The following CCDC175 variants were observed in gnomAD, a reference collection of about 807,000 sequenced individuals.
The protein encoded by CCDC175 is coiled-coil domain containing 175, also known as coiled-coil domain-containing protein 175.
CCDC175 carries 100 observed loss-of-function variants against 114.6 expected under a neutral mutation model. That is an observed-to-expected ratio of 0.87 (90% confidence interval 0.74 to 1.03). The LOEUF is 1.03. CCDC175 is among the 50% of genes least tolerant of loss of function. The probability of loss-of-function intolerance (pLI) is 0.00; values close to 1 mark genes in which losing one functional copy is unlikely to be tolerated. For synonymous variants in CCDC175, 306 were observed against 308.7 expected (o/e 0.99, Z 0.09); for missense variants, 880 against 917.8 (o/e 0.96, Z 0.53).
chr14:59,524,312 G>T (rs111237243), intron 16 of CCDC175, among the ~76,000 whole-genome samples: 6,265 of 144,276 alleles, frequency 0.043, 166 homozygotes, highest in Non-Finnish European at 0.063. Context: ...ATGTTAAAAC[G>T]AATACATTTT....
intron 2 of CCDC175, among the ~76,000 whole-genome samples, chr14:59,573,495 C>A (rs1257252738): frequency 6.6e-6 from 1 of 152,026 alleles, no homozygotes; most frequent in East Asian, 1.9e-4. Context: ...AAAGTATATT[C>A]ATCAGCATTA....
In CCDC175 at chr14:59,552,335, G is replaced by A. The variant is rs532221237; in HGVS notation, c.954-899C>T. Among the ~76,000 whole-genome samples the A allele has an allele frequency of 5.3e-4, 80 of 152,314 alleles. 1 individual carries two copies. In the South Asian group the frequency reaches 7.7e-3, roughly 15 times the overall value. ...CAATATTCACTGTTCTGCAGCCTCC[G>A]CTGCTGACACCCAGGCAAACAGGGT... On this transcript the variant is annotated intron_variant, in intron 7 of 19. Transcript: ENST00000537690.
intron 16 of CCDC175, among the ~76,000 whole-genome samples, chr14:59,524,980 T>C (rs2139990717): frequency 6.6e-6 from 1 of 152,252 alleles, no homozygotes; most frequent in South Asian, 2.1e-4. Flanking sequence ...CCTATAATGT[T>C]CCAAACCAGG....
At chr14:59,562,257 A>G (rs969254280) in intron 6 of CCDC175, among the ~76,000 whole-genome samples, 1 of 152,102 alleles carries the variant, frequency 6.6e-6, no homozygotes, top group Non-Finnish European at 1.5e-5. Flanking sequence ...GTCACATGCT[A>G]TTATTTTTTC....
At chr14:59,548,900 G>C (rs1174131852) in intron 8 of CCDC175, among the ~76,000 whole-genome samples, 1 of 152,200 alleles carries the variant, frequency 6.6e-6, no homozygotes, top group Non-Finnish European at 1.5e-5. Flanking sequence ...CATGGGTACA[G>C]AGGCAGATAT....
chr14:59,562,090 A>G (rs557649870), intron 6 of CCDC175, among the ~76,000 whole-genome samples: 1 of 152,336 alleles, frequency 6.6e-6, no homozygotes, highest in South Asian at 2.1e-4. Flanking sequence ...TCCAGAGCTA[A>G]CTGGAATCGT....
intron 11 of CCDC175, among the ~76,000 whole-genome samples, chr14:59,539,234 T>A (rs1195892834): frequency 1.3e-5 from 2 of 152,190 alleles, no homozygotes; most frequent in African/African-American, 4.8e-5. Context: ...CTTTCTCAAA[T>A]TTTTCTCCAC....
At chr14:59,517,684 T>C (rs1297448720) in intron 17 of CCDC175, among the ~76,000 whole-genome samples, 2 of 152,182 alleles carry the variant, frequency 1.3e-5, no homozygotes, top group Admixed American at 6.5e-5. Flanking sequence ...TACAAACAAA[T>C]GGAAGAACAT....
At chr14:59,551,584 C>T in intron 7 of CCDC175, 148 bp from the exon 8 acceptor site, 1 of 491,226 alleles carries the variant, frequency 2.0e-6, no homozygotes, top group Non-Finnish European at 3.6e-6. Flanking sequence ...AACCGAAGTA[C>T]CGGGTTCATC....
intron 16 of CCDC175, among the ~76,000 whole-genome samples, chr14:59,522,547 C>T (rs1484967346): frequency 6.6e-6 from 1 of 152,196 alleles, no homozygotes; most frequent in East Asian, 1.9e-4. Flanking sequence ...CAGCTGGACT[C>T]TTGTGCTTCT....
chr14:59,541,956 A>G (rs1417170249), intron 10 of CCDC175, among the ~76,000 whole-genome samples: 3 of 152,190 alleles, frequency 2.0e-5, no homozygotes, highest in Non-Finnish European at 2.9e-5. Context: ...GTTTGAATAT[A>G]TTATTTAACA....
intron 17 of CCDC175, among the ~76,000 whole-genome samples, chr14:59,517,962 C>A (rs1207734884): frequency 6.6e-6 from 1 of 152,078 alleles, no homozygotes; most frequent in Non-Finnish European, 1.5e-5. Flanking sequence ...GGTACTGGTA[C>A]CAAAACAGAG....
chr14:59,538,928 C>G, intron 11 of CCDC175, 88 bp from the exon 12 acceptor site: 4 of 1,204,474 alleles, frequency 3.3e-6, no homozygotes, highest in Non-Finnish European at 4.5e-6. Context: ...ACAAGTCATA[C>G]TATGACTACA....
At position 59,561,125 on chromosome 14, in the gene CCDC175, G is replaced by A. The variant is rs570823198; in HGVS notation, c.947C>T (p.Ala316Val). The change falls in exon 7 of 20, where the codon GCG becomes GTG. Residue 316 changes from alanine to valine, a missense_variant. Coordinates refer to ENST00000537690, the MANE Select transcript of CCDC175 (RefSeq NM_001164399.2). ...ELKKDLAILE[A>V]KLCFFTDNKE... ...AATAAAGCATTACACTTACAGTTTCGCCTCCAGAATTGCAAGGTCTTTCTT... is the reference window on the plus strand; with the variant it reads ...AATAAAGCATTACACTTACAGTTTCACCTCCAGAATTGCAAGGTCTTTCTT... 68 of 1,504,404 alleles carry A rather than the reference G, an allele frequency of 4.5e-5. No homozygotes were observed. The highest frequency in any genetic ancestry group is 1.5e-4 in the East Asian group (6 of 40,686). The allele number at this position is 1,504,404 out of a possible 1,614,324, so 93.2% of individuals were successfully genotyped here.
At chr14:59,564,998 C>T (rs1160038863) in intron 5 of CCDC175, 49 bp downstream of exon 5, 1 of 1,312,366 alleles carries the variant, frequency 7.6e-7, no homozygotes, top group African/African-American at 1.5e-5. Context: ...ATTTCCTGCT[C>T]CAGATTCTAT....
chr14:59,515,024 A>G (rs1892990840), intron 17 of CCDC175, among the ~76,000 whole-genome samples: 5 of 152,202 alleles, frequency 3.3e-5, no homozygotes, highest in Admixed American at 3.3e-4. Flanking sequence ...ACATTCTTAA[A>G]GAAAAGAATT....
chr14:59,505,525 A>T (rs569648107), intron 19 of CCDC175: 1 of 336,894 alleles, frequency 3.0e-6, no homozygotes, highest in African/African-American at 2.1e-5. Context: ...CATTTTTTTC[A>T]TATGTCCTGT....
intron 15 of CCDC175, among the ~76,000 whole-genome samples, chr14:59,525,922 G>C (rs987281235): frequency 6.6e-6 from 1 of 152,112 alleles, no homozygotes; most frequent in Non-Finnish European, 1.5e-5. Flanking sequence ...GTCATACAAG[G>C]GATTTGAGCA....
At chr14:59,515,938 G>A (rs1165142534) in intron 17 of CCDC175, among the ~76,000 whole-genome samples, 5 of 152,150 alleles carry the variant, frequency 3.3e-5, no homozygotes, top group African/African-American at 1.2e-4. Context: ...CTCAGCAAAT[G>A]TAAAAGAACA....
Sources: gnomAD v4.1 joint callset for allele counts (sites outside exome capture counted in the v4.1 genomes callset) on GRCh38, gnomAD v4.1.1 for gene constraint, MANE v1.5 for transcripts, NCBI Gene and HGNC (gene_info 2026-07-23, HGNC 2026-07-21) for gene names.